Variants in AP2B1 observed in about 807,000 individuals in gnomAD.
AP2B1 encodes the protein adaptor related protein complex 2 subunit beta 1.
A neutral mutation model predicts 102.0 loss-of-function variants in AP2B1; 23 were observed. The ratio of observed to expected loss-of-function variants is 0.23; its 90% CI spans 0.16 to 0.32. AP2B1 has a LOEUF of 0.32. Ranked by LOEUF, AP2B1 falls within the 10% of genes least tolerant of loss-of-function variation. The pLI is 1.00. For synonymous variants in AP2B1, 381 were observed against 421.2 expected (o/e 0.90, Z 1.17); for missense variants, 541 against 1,157.4 (o/e 0.47, Z 7.73).
intron 5 of AP2B1, among the ~76,000 whole-genome samples, chr17:35,615,572 G>C (rs971485783): frequency 6.6e-6 from 1 of 152,078 alleles, no homozygotes; most frequent in African/African-American, 2.4e-5. Context: ...GCCTATTAAA[G>C]GTAGGCCCAG....
Position 35,723,861 on chromosome 17 carries a change from G to A in AP2B1, c.*162G>A. 1.9e-6 allele frequency: 1 copy of A among 538,962 alleles called. No homozygotes were observed. Among genetic ancestry groups the A allele is most frequent in the Non-Finnish European group, 3.4e-6 (1 of 296,748 alleles). The allele number at this position is 538,962 out of a possible 1,614,324, so 33.4% of individuals were successfully genotyped here. A position where few individuals can be genotyped will look rare whatever the true frequency, so the allele number is the denominator to read the frequency against. On this transcript the variant is annotated 3_prime_UTR_variant, in exon 22 of 22. Transcript: ENST00000610402. ...GCTAACATTAGGGCACAACCTGTTG[G>A]ATAGTTTTAGCTTCCTGTGAACATT... is the stretch of plus-strand genomic sequence containing the variant.
chr17:35,625,561 G>A (rs954016907), intron 6 of AP2B1, among the ~76,000 whole-genome samples: 1 of 152,096 alleles, frequency 6.6e-6, no homozygotes, highest in Admixed American at 6.6e-5. Flanking sequence ...AGTGTTCCAG[G>A]CTCTGAGGAT....
intron 13 of AP2B1, among the ~76,000 whole-genome samples, chr17:35,653,690 G>C (rs1029640583): frequency 4.6e-5 from 7 of 152,106 alleles, no homozygotes; most frequent in African/African-American, 1.7e-4. Flanking sequence ...TATCCAGGCT[G>C]GTCTCGAACT....
At chr17:35,625,534 C>T (rs2074290269) in intron 6 of AP2B1, among the ~76,000 whole-genome samples, 1 of 152,218 alleles carries the variant, frequency 6.6e-6, no homozygotes, top group South Asian at 2.1e-4. Context: ...TTATTAAGTG[C>T]ATACTGTGTG....
intron 16 of AP2B1, 144 bp from the exon 17 acceptor site, chr17:35,674,032 A>G (rs1053779864): frequency 2.7e-6 from 2 of 737,960 alleles, no homozygotes; most frequent in Non-Finnish European, 4.2e-6. Flanking sequence ...CTTGATATTT[A>G]TAGTATAAAA....
intron 18 of AP2B1, among the ~76,000 whole-genome samples, chr17:35,691,778 A>T (rs1264161166): frequency 1.3e-5 from 2 of 152,240 alleles, no homozygotes; most frequent in Non-Finnish European, 2.9e-5. Flanking sequence ...AGTCTTCATT[A>T]TGAAAGATTA....
chr17:35,709,406 TA>T (rs3214325), intron 19 of AP2B1, 98 bp downstream of exon 19: 3,138 of 892,080 alleles, frequency 3.5e-3, no homozygotes, highest in South Asian at 4.5e-3. Flanking sequence ...ATTTTGAGGT[TA>T]AAAAAAAATG....
At chr17:35,602,822 A>G (rs2073534624) in intron 3 of AP2B1, among the ~76,000 whole-genome samples, 1 of 152,266 alleles carries the variant, frequency 6.6e-6, no homozygotes, top group South Asian at 2.1e-4. Flanking sequence ...TTCTTGCTTG[A>G]TCTTTGGCTA....
chr17:35,593,871 TAAAG>T (rs954248459), intron 1 of AP2B1, 133 bp from the exon 2 acceptor site: 5 of 504,078 alleles, frequency 9.9e-6, no homozygotes, highest in African/African-American at 4.0e-5. Flanking sequence ...ACGGTGGTGA[TAAAG>T]GAAGATGATA....
At chr17:35,643,959 C>G (rs1034312958) in intron 12 of AP2B1, among the ~76,000 whole-genome samples, 8 of 152,164 alleles carry the variant, frequency 5.3e-5, no homozygotes, top group African/African-American at 1.9e-4. Context: ...AACAATCTCC[C>G]ATGGAAACTA....
chr17:35,675,215 A>G (rs2075674017), intron 17 of AP2B1, among the ~76,000 whole-genome samples: 1 of 152,212 alleles, frequency 6.6e-6, no homozygotes. Flanking sequence ...ATTCAGTTTT[A>G]TGGTTCAGGA....
intron 14 of AP2B1, among the ~76,000 whole-genome samples, chr17:35,665,847 G>A (rs998399528): frequency 1.2e-4 from 18 of 152,200 alleles, no homozygotes; most frequent in African/African-American, 4.3e-4. Flanking sequence ...GCAAACAGAT[G>A]TACTTTGGAC....
At chr17:35,628,227 T>C (rs2074368766) in intron 9 of AP2B1, among the ~76,000 whole-genome samples, 1 of 152,214 alleles carries the variant, frequency 6.6e-6, no homozygotes, top group Non-Finnish European at 1.5e-5. Context: ...CACTTAAGCA[T>C]CCATGGATTT....
chr17:35,636,701 A>G (rs1379509172), intron 10 of AP2B1, among the ~76,000 whole-genome samples: 1 of 152,236 alleles, frequency 6.6e-6, no homozygotes, highest in African/African-American at 2.4e-5. Flanking sequence ...CATATTTTAA[A>G]GTTAACCAGA....
At chr17:35,712,723 A>G (rs1397087515) in intron 20 of AP2B1, among the ~76,000 whole-genome samples, 1 of 152,270 alleles carries the variant, frequency 6.6e-6, no homozygotes, top group Non-Finnish European at 1.5e-5. Context: ...CTTCACCTGG[A>G]AATTGCCATT....
At chr17:35,670,960 T>C in intron 15 of AP2B1, 62 bp downstream of exon 15, 4 of 1,550,580 alleles carry the variant, frequency 2.6e-6, no homozygotes, top group Non-Finnish European at 3.6e-6. Context: ...GCCTTTCCTA[T>C]GTACACATTA....
At chr17:35,640,378 A>G (rs999718956) in intron 11 of AP2B1, among the ~76,000 whole-genome samples, 1 of 149,056 alleles carries the variant, frequency 6.7e-6, no homozygotes, top group Non-Finnish European at 1.5e-5. Context: ...CTGGGATTAC[A>G]GGCATTCACC....
intron 14 of AP2B1, among the ~76,000 whole-genome samples, chr17:35,660,514 A>C (rs1223755869): frequency 4.7e-5 from 5 of 106,080 alleles, no homozygotes; most frequent in Admixed American, 2.5e-4. Flanking sequence ...GTGGAGTTTC[A>C]CTCTTGTTGC....
intron 14 of AP2B1, among the ~76,000 whole-genome samples, chr17:35,659,020 A>G (rs774285094): frequency 8.5e-5 from 13 of 152,246 alleles, no homozygotes; most frequent in Non-Finnish European, 1.9e-4. Flanking sequence ...TCTTGGGAAT[A>G]TAAGCAAATA....
Sources: gnomAD v4.1 joint callset for allele counts (sites outside exome capture counted in the v4.1 genomes callset) on GRCh38, gnomAD v4.1.1 for gene constraint, MANE v1.5 for transcripts, NCBI Gene and HGNC (gene_info 2026-07-23, HGNC 2026-07-21) for gene names.